LHFPL6: variants seen among roughly 807,000 people sequenced by gnomAD.
The protein encoded by LHFPL6 is LHFPL tetraspan subfamily member 6 protein.
LHFPL6 carries 9 observed loss-of-function variants against 20.6 expected under a neutral mutation model. That is an observed-to-expected ratio of 0.44 (90% CI 0.26 to 0.76). The LOEUF (loss-of-function observed/expected upper bound fraction) is 0.76, where lower values mean the gene tolerates loss of function less well. Among genes scored for constraint, LHFPL6 ranks in the 30% least tolerant of loss-of-function variants. LHFPL6 has a pLI of 0.20. For synonymous variants in LHFPL6, 105 were observed against 98.7 expected, an observed-to-expected ratio of 1.06 and a Z score of -0.38; for missense variants, 218 against 253.5, an observed-to-expected ratio of 0.86 and a Z score of 0.95.
chr13:39,453,809 G>A (rs982787234), intron 2 of LHFPL6, among the ~76,000 whole-genome samples: 1 of 152,190 alleles, frequency 6.6e-6, no homozygotes, highest in Non-Finnish European at 1.5e-5. Context: ...TATCATGACT[G>A]GAGAAAGAAT....
intron 2 of LHFPL6, among the ~76,000 whole-genome samples, chr13:39,440,311 G>A (rs1293961915): frequency 6.6e-6 from 1 of 152,032 alleles, no homozygotes; most frequent in Non-Finnish European, 1.5e-5. Flanking sequence ...CCAGAGCTTT[G>A]GTGTGGTCTA....
chr13:39,384,584 C>T (rs1225918656), intron 2 of LHFPL6, among the ~76,000 whole-genome samples: 2 of 152,156 alleles, frequency 1.3e-5, no homozygotes, highest in African/African-American at 4.8e-5. Context: ...GAATTAGATA[C>T]CGCTTGGGTA....
chr13:39,478,357 A>T (rs1873135884), intron 2 of LHFPL6, among the ~76,000 whole-genome samples: 1 of 152,210 alleles, frequency 6.6e-6, no homozygotes, highest in Admixed American at 6.5e-5. Context: ...AATGAGTAAA[A>T]TAACAGTTGA....
At chr13:39,351,551 C>A (rs992363791) in intron 3 of LHFPL6, among the ~76,000 whole-genome samples, 7 of 152,148 alleles carry the variant, frequency 4.6e-5, no homozygotes, top group African/African-American at 1.7e-4. Flanking sequence ...ACATATTTTA[C>A]CTTACCCCTT....
chr13:39,495,779 A>AT (rs10558170), intron 2 of LHFPL6, among the ~76,000 whole-genome samples: 1,172 of 89,546 alleles, frequency 0.013, 12 homozygotes, highest in South Asian at 0.026. Context: ...TAACTCAATA[A>AT]TTTTTTTTTT....
intron 2 of LHFPL6, among the ~76,000 whole-genome samples, chr13:39,542,790 G>T (rs933041931): frequency 3.9e-5 from 6 of 152,188 alleles, no homozygotes; most frequent in African/African-American, 1.4e-4. Context: ...CCCGTTATGT[G>T]CTAAGTCGCA....
At chr13:39,566,746 A>T (rs975148991) in intron 2 of LHFPL6, among the ~76,000 whole-genome samples, 3 of 151,480 alleles carry the variant, frequency 2.0e-5, no homozygotes, top group African/African-American at 7.3e-5. Flanking sequence ...AAAAAAAAAA[A>T]AAAAAAAAAA....
At chr13:39,437,096 T>A (rs1871977951) in intron 2 of LHFPL6, among the ~76,000 whole-genome samples, 1 of 152,252 alleles carries the variant, frequency 6.6e-6, no homozygotes, top group African/African-American at 2.4e-5. Context: ...TCAAAACATG[T>A]AAGCTGCTGT....
chr13:39,345,410 G>A (rs1869366852), intron 3 of LHFPL6, among the ~76,000 whole-genome samples: 1 of 150,218 alleles, frequency 6.7e-6, no homozygotes, highest in African/African-American at 2.5e-5. Context: ...CTACTCAGGA[G>A]GCTGAGGCAG....
intron 2 of LHFPL6, among the ~76,000 whole-genome samples, chr13:39,483,074 C>T (rs1868592636): frequency 6.6e-6 from 1 of 152,116 alleles, no homozygotes; most frequent in South Asian, 2.1e-4. Flanking sequence ...GTATTTCCCA[C>T]TTTGGGAAAT....
At chr13:39,406,172 G>A (rs1871108764) in intron 2 of LHFPL6, among the ~76,000 whole-genome samples, 1 of 152,060 alleles carries the variant, frequency 6.6e-6, no homozygotes, top group African/African-American at 2.4e-5. Flanking sequence ...ATAATAATGT[G>A]TTAGATGTGT....
At chr13:39,429,078 C>T (rs1439353416) in intron 2 of LHFPL6, among the ~76,000 whole-genome samples, 1 of 152,050 alleles carries the variant, frequency 6.6e-6, no homozygotes, top group Non-Finnish European at 1.5e-5. Context: ...CATACATATT[C>T]CTCTTGCACT....
intron 2 of LHFPL6, among the ~76,000 whole-genome samples, chr13:39,548,726 G>A (rs11840298): frequency 0.016 from 2,466 of 152,158 alleles, 30 homozygotes; most frequent in Non-Finnish European, 0.027. Context: ...AGAAACCGGG[G>A]TTTGTCCATA....
At chr13:39,600,640 C>T (rs1872907549) in intron 2 of LHFPL6, among the ~76,000 whole-genome samples, 192 bp downstream of exon 2, 1 of 152,210 alleles carries the variant, frequency 6.6e-6, no homozygotes, top group Admixed American at 6.5e-5. Context: ...AAATTAAGAA[C>T]TCTTGAAGTT....
At chr13:39,392,970 T>G (rs1186156) in intron 2 of LHFPL6, among the ~76,000 whole-genome samples, 89,061 of 152,036 alleles carry the variant, frequency 0.59, 26,908 homozygotes, top group Admixed American at 0.7. Context: ...CTTGTTATTA[T>G]TCCCTAAACA....
chr13:39,473,970 C>T (rs1873013350), intron 2 of LHFPL6, among the ~76,000 whole-genome samples: 1 of 152,142 alleles, frequency 6.6e-6, no homozygotes, highest in Non-Finnish European at 1.5e-5. Context: ...AGTAAATTTC[C>T]AATTACATAA....
intron 3 of LHFPL6, among the ~76,000 whole-genome samples, chr13:39,374,182 T>A (rs940564658): frequency 6.6e-6 from 1 of 152,152 alleles, no homozygotes; most frequent in African/African-American, 2.4e-5. Flanking sequence ...CACCATGGAA[T>A]ACTACACAGC....
chr13:39,569,879 C>T (rs1029926535), intron 2 of LHFPL6, among the ~76,000 whole-genome samples: 3 of 152,144 alleles, frequency 2.0e-5, no homozygotes, highest in Admixed American at 6.6e-5. Context: ...CAATTCGAAA[C>T]GTTTTAAAAT....
At chr13:39,600,732 C>G in intron 2 of LHFPL6, 100 bp downstream of exon 2, 1 of 1,223,056 alleles carries the variant, frequency 8.2e-7, no homozygotes, top group Non-Finnish European at 1.1e-6. Context: ...CTTATGCATT[C>G]CAGGTGTCAT....
Sources: gnomAD v4.1 joint callset for allele counts (sites outside exome capture counted in the v4.1 genomes callset) on GRCh38, gnomAD v4.1.1 for gene constraint, MANE v1.5 for transcripts, NCBI Gene and HGNC (gene_info 2026-07-23, HGNC 2026-07-21) for gene names.